Variants in BIN3 observed in about 807,000 individuals in gnomAD.
The protein encoded by BIN3 is bridging integrator 3.
Under a neutral mutation model 38.2 loss-of-function variants are expected in BIN3, and 41 were observed. That is an observed-to-expected ratio of 1.07 (90% CI 0.84 to 1.39). The LOEUF (loss-of-function observed/expected upper bound fraction) is 1.39. Among genes scored for constraint, BIN3 ranks in the 40% most tolerant of loss-of-function variants. BIN3 has a pLI of 0.00. For synonymous variants in BIN3, 145 were observed against 122.6 expected (o/e 1.18, Z -1.21); for missense variants, 361 against 324.3 (o/e 1.11, Z -0.87).
intron 1 of BIN3, among the ~76,000 whole-genome samples, chr8:22,651,192 C>T (rs902693440): frequency 1.3e-5 from 2 of 152,114 alleles, no homozygotes; most frequent in African/African-American, 4.8e-5. Flanking sequence ...TTTTAACTTT[C>T]CCTAAAATTG....
intron 1 of BIN3, among the ~76,000 whole-genome samples, chr8:22,648,940 T>TATGTA (rs1802798036): frequency 6.6e-6 from 1 of 151,982 alleles, no homozygotes; most frequent in Non-Finnish European, 1.5e-5. Flanking sequence ...TGTATGTATG[T>TATGTA]AAGTGTGTGT....
At chr8:22,648,837 TCAC>T (rs1802790267) in intron 1 of BIN3, among the ~76,000 whole-genome samples, 1 of 152,218 alleles carries the variant, frequency 6.6e-6, no homozygotes, top group African/African-American at 2.4e-5. Context: ...GTTCCAGCTT[TCAC>T]CACTGGCAGC....
chr8:22,648,897 ATGTATG>A (rs1563972482), intron 1 of BIN3, among the ~76,000 whole-genome samples: 4,344 of 143,486 alleles, frequency 0.03, 129 homozygotes, highest in African/African-American at 0.084. Flanking sequence ...ACATCAACGT[ATGTATG>A]TATGTATGTA....
chr8:22,639,848 T>C (rs1444600641), intron 2 of BIN3, among the ~76,000 whole-genome samples: 2 of 150,724 alleles, frequency 1.3e-5, no homozygotes, highest in African/African-American at 2.4e-5. Flanking sequence ...CCTAGCTCCC[T>C]TTACTAGACA....
At chr8:22,631,671 A>C (rs1802206800) in intron 4 of BIN3, among the ~76,000 whole-genome samples, 1 of 152,154 alleles carries the variant, frequency 6.6e-6, no homozygotes, top group Admixed American at 6.5e-5. Flanking sequence ...GGACAGGTCC[A>C]TCAGGCTCTG....
At chr8:22,656,271 A>C (rs1228623736) in intron 1 of BIN3, among the ~76,000 whole-genome samples, 2 of 147,914 alleles carry the variant, frequency 1.4e-5, no homozygotes, top group Non-Finnish European at 3.0e-5. Flanking sequence ...TATTTCGTTA[A>C]ATATTAAGAT....
chr8:22,638,817 A>G (rs1339797139), intron 2 of BIN3, among the ~76,000 whole-genome samples: 4 of 152,184 alleles, frequency 2.6e-5, no homozygotes, highest in Non-Finnish European at 5.9e-5. Flanking sequence ...CCCGCCTCCC[A>G]TCCTACAATC....
chr8:22,630,369 C>T (rs1802152636), intron 5 of BIN3, 73 bp downstream of exon 5: 1 of 1,586,728 alleles, frequency 6.3e-7, no homozygotes, highest in East Asian at 2.2e-5. Context: ...CTCGGGCCTC[C>T]CCGCACAGTC....
At chr8:22,636,810 C>T in intron 3 of BIN3, 112 bp downstream of exon 3, 2 of 1,275,032 alleles carry the variant, frequency 1.6e-6, no homozygotes, top group Non-Finnish European at 2.3e-6. Context: ...CTGAGCTGCC[C>T]TCAGCTTCCA....
intron 5 of BIN3, 21 bp downstream of exon 5, chr8:22,630,421 C>G: frequency 1.9e-6 from 3 of 1,613,214 alleles, no homozygotes; most frequent in Non-Finnish European, 2.5e-6. Flanking sequence ...GCTTGCCCAC[C>G]CCACACCAAG....
At chr8:22,650,646 T>C (rs1802861299) in intron 1 of BIN3, among the ~76,000 whole-genome samples, 1 of 152,230 alleles carries the variant, frequency 6.6e-6, no homozygotes. Context: ...CTCCCTAATC[T>C]CATTTGCCAG....
At chr8:22,626,690 C>G (rs1014827483) in intron 6 of BIN3, 1 of 152,670 alleles carries the variant, frequency 6.6e-6, no homozygotes, top group African/African-American at 2.4e-5. Flanking sequence ...CCCAATCCCA[C>G]CACCCTGAGC....
intron 2 of BIN3, among the ~76,000 whole-genome samples, chr8:22,641,551 A>C (rs1802560966): frequency 6.6e-6 from 1 of 152,226 alleles, no homozygotes; most frequent in Non-Finnish European, 1.5e-5. Context: ...CAGAATCCTC[A>C]GCATTCTGGG....
intron 1 of BIN3, among the ~76,000 whole-genome samples, chr8:22,663,787 T>C (rs1803321610): frequency 2.0e-5 from 3 of 152,236 alleles, no homozygotes; most frequent in Admixed American, 2.0e-4. Flanking sequence ...ACCTTTTTCA[T>C]GCCATGCTTC....
At chr8:22,627,524 A>G (rs1802040362) in intron 6 of BIN3, among the ~76,000 whole-genome samples, 3 of 150,908 alleles carry the variant, frequency 2.0e-5, no homozygotes, top group Admixed American at 2.0e-4. Context: ...CGCCTGTGCC[A>G]GCCCCTCCCA....
intron 2 of BIN3, among the ~76,000 whole-genome samples, chr8:22,639,339 C>T (rs1295818437): frequency 2.0e-5 from 3 of 151,930 alleles, no homozygotes; most frequent in African/African-American, 7.3e-5. Flanking sequence ...TCAAGCAATA[C>T]TTCTGTCTCA....
chr8:22,635,640 C>T (rs1161600644), intron 4 of BIN3, among the ~76,000 whole-genome samples: 1 of 152,106 alleles, frequency 6.6e-6, no homozygotes, highest in Non-Finnish European at 1.5e-5. Flanking sequence ...TCTTCAGCAA[C>T]AGCCTGTGCC....
chr8:22,648,239 T>C (rs1354487057), intron 1 of BIN3, among the ~76,000 whole-genome samples: 39 of 152,072 alleles, frequency 2.6e-4, no homozygotes, highest in Non-Finnish European at 1.5e-5. Context: ...GATATTGGTG[T>C]GGTACATTGG....
chr8:22,639,548 C>A (rs569179250), intron 2 of BIN3, among the ~76,000 whole-genome samples: 46 of 152,222 alleles, frequency 3.0e-4, no homozygotes, highest in Non-Finnish European at 5.3e-4. Context: ...AGGTGGCTTA[C>A]GAGGAAATAG....
Sources: allele counts gnomAD v4.1 joint callset (sites outside exome capture counted in the v4.1 genomes callset), GRCh38; gene constraint gnomAD v4.1.1; transcripts MANE v1.5; gene names NCBI Gene and HGNC (gene_info 2026-07-23, HGNC 2026-07-21).